CMTM4: variants seen among roughly 807,000 people sequenced by gnomAD.
CMTM4 encodes CKLF like MARVEL transmembrane domain containing 4, also known as CKLF-like MARVEL transmembrane domain-containing protein 4.
Under a neutral mutation model 19.0 loss-of-function variants are expected in CMTM4, and 8 were observed. The observed-to-expected ratio is 0.42, with a 90% confidence interval of 0.25 to 0.76. The LOEUF (loss-of-function observed/expected upper bound fraction) is 0.76. Ranked by LOEUF, CMTM4 falls within the 30% of genes least tolerant of loss-of-function variation. The pLI, the probability that CMTM4 is intolerant of heterozygous loss-of-function variation, is 0.27. For synonymous variants in CMTM4, 106 were observed against 121.1 expected (o/e 0.88, Z 0.82); for missense variants, 228 against 290.2 (o/e 0.79, Z 1.56).
At chr16:66,609,295 G>A in the CMTM4 span, 1 of 687,392 alleles carries the variant, frequency 1.5e-6, no homozygotes, top group South Asian at 1.7e-5. The surrounding 1 kb of genome is among the most constrained non-coding windows in gnomAD (Gnocchi z 4.4). Flanking sequence ...CAAGGGCCTA[G>A]GCATGTGGGT....
At chr16:66,636,725 A>G (rs1445976907) in intron 1 of CMTM4, 144 bp from the exon 2 acceptor site, 1 of 649,450 alleles carries the variant, frequency 1.5e-6, no homozygotes, top group African/African-American at 1.8e-5. Flanking sequence ...ACTGTCGGAA[A>G]TCAGACCTGC....
chr16:66,623,347 G>A lies in CMTM4; in HGVS notation c.462+57C>T, dbSNP rs189395280. 5,525 of 1,286,472 alleles carry A rather than the reference G, an allele frequency of 4.3e-3. 24 individuals are homozygous for A. The highest frequency in any genetic ancestry group is 5.6e-3 in the Non-Finnish European group (5,089 of 900,790). 79.7% of individuals were successfully genotyped at this position (1,286,472 alleles called of 1,614,324 possible). A position where few individuals can be genotyped will look rare whatever the true frequency, so the allele number is the denominator to read the frequency against. On this transcript the variant is annotated intron_variant, in intron 3 of 3. Transcript: ENST00000394106. ...AGCAGGACACATGCCAGGGACAGGCGAGCAGGTCACAGGAGGTCCCCAGAT... is the reference window on the plus strand; with the variant it reads ...AGCAGGACACATGCCAGGGACAGGCAAGCAGGTCACAGGAGGTCCCCAGAT...
rs192357378 is a variant in CMTM4, at chr16:66,691,476, G to A, written c.186+4864C>T. Among the ~76,000 whole-genome samples, 4 of 152,310 alleles carry A rather than the reference G, an allele frequency of 2.6e-5. No homozygotes were observed. The East Asian group carries it at 7.7e-4, about 29-fold the overall frequency. On this transcript the variant is annotated intron_variant, in intron 1 of 3. Transcript: ENST00000394106. ...AGCACTTTGGGAAGCCGAAGAGGAAGGATTGCTTGAGCTCACGAGTTTGAA... is the reference window on the plus strand; with the variant it reads ...AGCACTTTGGGAAGCCGAAGAGGAAAGATTGCTTGAGCTCACGAGTTTGAA...
At chr16:66,634,851 A>G (rs2015960485) in intron 2 of CMTM4, among the ~76,000 whole-genome samples, 1 of 152,198 alleles carries the variant, frequency 6.6e-6, no homozygotes, top group African/African-American at 2.4e-5. Flanking sequence ...GCCCAGGGTC[A>G]TGCACAGCCT....
Position 66,619,622 on chromosome 16 carries a change from A to T in CMTM4, c.*2436T>A. 1.0e-6 allele frequency: 1 copy of T among 985,380 alleles called. No individual in the cohort carries two copies. Among genetic ancestry groups the T allele is most frequent in the African/African-American group, 1.7e-5 (1 of 57,350 alleles). 61.0% of individuals were successfully genotyped at this position (985,380 alleles called of 1,614,324 possible). On this transcript the variant is annotated 3_prime_UTR_variant, in exon 4 of 4. Coordinates refer to ENST00000394106, the MANE Select transcript of CMTM4 (RefSeq NM_181521.3). ...ATATAAGAAAAATATAGGCGTCTTC[A>T]TATTCACCTTGGATAACCCTATTCC...
In CMTM4 at chr16:66,631,930, A is replaced by AAAAAT. The variant is rs553839103; in HGVS notation, c.363+4470_363+4474dup. 6.1e-3 allele frequency among the ~76,000 whole-genome samples: 935 copies of AAAAAT among 152,234 alleles called. 3 individuals are homozygous for AAAAAT. Among genetic ancestry groups the AAAAAT allele is most frequent in the African/African-American group, 0.019 (790 of 41,518 alleles). The stretch of plus-strand genomic sequence containing the variant: ...AGAAACACCCAAGAATGATCAATAA[A>AAAAAT]AAAATAAAATAAAATAAAATAAAAT... On this transcript the variant is annotated intron_variant, in intron 2 of 3. Coordinates refer to ENST00000394106, the MANE Select transcript of CMTM4 (RefSeq NM_181521.3).
the CMTM4 span, chr16:66,604,766 G>T: frequency 8.2e-7 from 1 of 1,221,326 alleles, no homozygotes; most frequent in Non-Finnish European, 1.0e-6. Context: ...GCGAGAAGAG[G>T]GGAGCCAGGC....
At chr16:66,632,786 G>A (rs569005530) in intron 2 of CMTM4, among the ~76,000 whole-genome samples, 28 of 152,210 alleles carry the variant, frequency 1.8e-4, no homozygotes, top group Non-Finnish European at 3.7e-4. Flanking sequence ...CTAGGACACA[G>A]AGAAAAACAA....
chr16:66,621,939 C>T lies in CMTM4; in HGVS notation c.*119G>A. 6.9e-7 allele frequency: 1 copy of T among 1,452,638 alleles called. No individual in the cohort carries two copies. Among genetic ancestry groups the T allele is most frequent in the Non-Finnish European group, 9.1e-7 (1 of 1,101,216 alleles). The allele number at this position is 1,452,638 out of a possible 1,614,324, so 90.0% of individuals were successfully genotyped here. On this transcript the variant is annotated 3_prime_UTR_variant, in exon 4 of 4. Coordinates refer to ENST00000394106, the MANE Select transcript of CMTM4 (RefSeq NM_181521.3). The stretch of plus-strand genomic sequence containing the variant: ...TCGGGAAACCCTTTCCCAAAATGAA[C>T]TTTTACCAAAGAGGACAAAATTCAA...
downstream of CMTM4, chr16:66,613,060 A>C: frequency 1.4e-6 from 1 of 703,012 alleles, no homozygotes; most frequent in Non-Finnish European, 2.6e-6. Flanking sequence ...CTGCCCCGCC[A>C]GGCCCCGGTG....
chr16:66,683,144 T>C (rs1213382979), intron 1 of CMTM4, among the ~76,000 whole-genome samples: 6 of 127,436 alleles, frequency 4.7e-5, no homozygotes, highest in South Asian at 2.7e-4. Flanking sequence ...TATATATATA[T>C]ATGTATATAT....
At chr16:66,609,773 C>T, downstream of CMTM4, 8 of 1,606,126 alleles carry the variant, frequency 5.0e-6, no homozygotes, top group Non-Finnish European at 6.8e-6. This position sits in a 1 kb window ranked among gnomAD's most constrained non-coding sequence, Gnocchi z 4.4. Flanking sequence ...CTGTGCCTGA[C>T]ACTCGGGCTG....
intron 1 of CMTM4, among the ~76,000 whole-genome samples, chr16:66,642,715 C>T (rs903485899): frequency 6.6e-6 from 1 of 152,060 alleles, no homozygotes; most frequent in Admixed American, 6.6e-5. Context: ...GACTTCATCA[C>T]CAAAACAAAC....
At chr16:66,631,025 C>A (rs1220021865) in intron 2 of CMTM4, among the ~76,000 whole-genome samples, 2 of 151,368 alleles carry the variant, frequency 1.3e-5, no homozygotes, top group East Asian at 3.9e-4. Context: ...CGCCCGGCGG[C>A]CGCCCCATCT....
chr16:66,643,009 T>G (rs1400096743), intron 1 of CMTM4, among the ~76,000 whole-genome samples: 1 of 152,140 alleles, frequency 6.6e-6, no homozygotes, highest in Non-Finnish European at 1.5e-5. Flanking sequence ...CAACCTCTGC[T>G]TCCCGGGTTC....
chr16:66,631,990 A>T, intron 2 of CMTM4, among the ~76,000 whole-genome samples: 1 of 152,272 alleles, frequency 6.6e-6, no homozygotes, highest in Non-Finnish European at 1.5e-5. Context: ...CCTAGGGCTC[A>T]GGGCTCAGCC....
chr16:66,662,911 T>A (rs1308534782), intron 1 of CMTM4, among the ~76,000 whole-genome samples: 1 of 152,170 alleles, frequency 6.6e-6, no homozygotes, highest in Non-Finnish European at 1.5e-5. Context: ...CAAAGTTGTA[T>A]ATATATGTGT....
downstream of CMTM4, chr16:66,613,353 G>A: frequency 1.9e-6 from 1 of 522,604 alleles, no homozygotes; most frequent in Non-Finnish European, 3.4e-6. Context: ...GGGTACAACA[G>A]TGGCATCACA....
the CMTM4 span, among the ~76,000 whole-genome samples, chr16:66,600,409 T>C: frequency 2.6e-5 from 4 of 152,258 alleles, no homozygotes; most frequent in African/African-American, 9.6e-5. Flanking sequence ...CCTCCCAAAG[T>C]GCTGGGATTA....
Sources: gnomAD v4.1 joint callset for allele counts (sites outside exome capture counted in the v4.1 genomes callset) on GRCh38, gnomAD v4.1.1 for gene constraint, Gnocchi (gnomAD v3.1) non-coding constraint, MANE v1.5 for transcripts, NCBI Gene and HGNC (gene_info 2026-07-23, HGNC 2026-07-21) for gene names.